GALNT12: variants seen among roughly 807,000 people sequenced by gnomAD.
The protein encoded by GALNT12 is polypeptide N-acetylgalactosaminyltransferase 12, also known as UDP-GalNAc:polypeptide N-acetylgalactosaminyltransferase 12.
GALNT12 carries 45 observed loss-of-function variants against 55.5 expected under a neutral mutation model. The ratio of observed to expected loss-of-function variants is 0.81; its 90% CI spans 0.64 to 1.04. The LOEUF (loss-of-function observed/expected upper bound fraction) is 1.04, where lower values mean the gene tolerates loss of function less well. GALNT12 is among the 50% of genes least tolerant of loss of function. The probability of loss-of-function intolerance (pLI) is 0.00; values close to 1 mark genes in which losing one functional copy is unlikely to be tolerated. For synonymous variants in GALNT12, 304 were observed against 312.2 expected (o/e 0.97, Z 0.28); for missense variants, 709 against 754.8 (o/e 0.94, Z 0.71).
At chr9:98,826,530 A>G (rs1347176653) in intron 2 of GALNT12, among the ~76,000 whole-genome samples, 2 of 152,020 alleles carry the variant, frequency 1.3e-5, no homozygotes, top group African/African-American at 2.4e-5. Context: ...TGGGGAGCAA[A>G]TGGTGGTTCT....
rs57899489 is a variant in GALNT12, at chr9:98,829,153, T to TTATCTATCTATC, written c.731+2254_731+2265dup. Among the ~76,000 whole-genome samples the TTATCTATCTATC allele has an allele frequency of 6.5e-3, 925 of 141,978 alleles. 4 individuals carry two copies. The highest frequency in any genetic ancestry group is 7.3e-3 in the Middle Eastern group (2 of 274). 93.1% of individuals were successfully genotyped at this position (141,978 alleles called of 152,430 possible). A position where few individuals can be genotyped will look rare whatever the true frequency, so the allele number is the denominator to read the frequency against. On this transcript the variant is annotated intron_variant, in intron 3 of 9. Transcript: ENST00000375011. ...CCAGTCATACTCTTAGTAATTTTTTTTATCTATCTATCTATCTATCTATCT... is the reference window on the plus strand; with the variant it reads ...CCAGTCATACTCTTAGTAATTTTTTTTATCTATCTATCTATCTATCTATCTATCTATCTATCT...
At position 98,823,434 on chromosome 9, in the gene GALNT12, C is replaced by T. The variant is rs374545406; in HGVS notation, c.541+9C>T. 1.7e-5 allele frequency: 27 copies of T among 1,612,764 alleles called. No homozygotes were observed. Among genetic ancestry groups the T allele is most frequent in the Admixed American group, 1.5e-4 (9 of 59,992 alleles). ...TGACTACAGTGATAGAGGTGAGTCC[C>T]GGCCAGGGCTCTGGGAAGAGCCTGT... On this transcript the variant is annotated intron_variant, in intron 2 of 9. Transcript: ENST00000375011.
chr9:98,832,027 G>C, intron 4 of GALNT12, 70 bp downstream of exon 4: 2 of 1,361,964 alleles, frequency 1.5e-6, no homozygotes, highest in Non-Finnish European at 2.1e-6. Flanking sequence ...CCTGTGAGCG[G>C]AGGCCCTCGG....
chr9:98,849,099 G>C lies in GALNT12; in HGVS notation c.*7G>C. On this transcript the variant is annotated 3_prime_UTR_variant, in exon 10 of 10. Transcript: ENST00000375011. ...CAAAGAGCGCATGTTATGAAGCCTC[G>C]TGTATCAAGGAGCCCATCGAAGGAG... is the stretch of plus-strand genomic sequence containing the variant. 1 of 1,614,104 alleles carries C rather than the reference G, an allele frequency of 6.2e-7. No individual in the cohort carries two copies. The highest frequency in any genetic ancestry group is 8.5e-7 in the Non-Finnish European group (1 of 1,179,978).
At chr9:98,814,129 A>T (rs1245821530) in intron 1 of GALNT12, among the ~76,000 whole-genome samples, 1 of 152,180 alleles carries the variant, frequency 6.6e-6, no homozygotes, top group African/African-American at 2.4e-5. Flanking sequence ...GGCCTGAGGC[A>T]TGTAACCTTC....
chr9:98,825,156 T>C (rs1032142071), intron 2 of GALNT12, among the ~76,000 whole-genome samples: 1 of 152,216 alleles, frequency 6.6e-6, no homozygotes, highest in Non-Finnish European at 1.5e-5. Context: ...TAACTTCTAT[T>C]TTTATAATGT....
rs896544810 is a variant in GALNT12 at position 98,849,479 on chromosome 9, A to G, written c.*387A>G. ...TTTACAAGAATTCCCAGGTACGAAG[A>G]TATCTGCATGGGTGGAAATCAGGTT... On this transcript the variant is annotated 3_prime_UTR_variant, in exon 10 of 10. Transcript: ENST00000375011. 5.6e-6 allele frequency: 3 copies of G among 532,202 alleles called. No individual in the cohort carries two copies. The highest frequency in any genetic ancestry group is 9.8e-6 in the Non-Finnish European group (3 of 306,396). The allele number at this position is 532,202 out of a possible 1,614,324, so 33.0% of individuals were successfully genotyped here. A position where few individuals can be genotyped will look rare whatever the true frequency, so the allele number is the denominator to read the frequency against.
intron 1 of GALNT12, among the ~76,000 whole-genome samples, chr9:98,813,924 A>G (rs1211132817): frequency 2.0e-5 from 3 of 152,206 alleles, no homozygotes; most frequent in Non-Finnish European, 4.4e-5. Context: ...CTTTTTAAAA[A>G]TAATTATTTT....
intron 4 of GALNT12, among the ~76,000 whole-genome samples, chr9:98,832,671 C>T (rs1048252295): frequency 1.3e-5 from 2 of 152,126 alleles, no homozygotes; most frequent in African/African-American, 4.8e-5. Flanking sequence ...TCCCATTCTC[C>T]CCTTCCCAGC....
rs779568450 is a variant in GALNT12, at chr9:98,837,074, A to G, written c.1138A>G (p.Ser380Gly). 1.2e-6 allele frequency: 2 copies of G among 1,614,104 alleles called. No individual in the cohort carries two copies. The highest frequency in any genetic ancestry group is 1.7e-6 in the Non-Finnish European group (2 of 1,180,052). Reference sequence around the variant, plus strand: ...CTCCCGCAACAAGGCTCTGGCCAACAGTGTTCGTGCAGCTGAAGTATGGAT... The same window carrying G: ...CTCCCGCAACAAGGCTCTGGCCAACGGTGTTCGTGCAGCTGAAGTATGGAT... ...PYSRNKALANSVRAAEVWMDE... is the reference protein window; with the variant it reads ...PYSRNKALANGVRAAEVWMDE... The change falls in exon 6 of 10, where the codon AGT (serine) becomes GGT (glycine). Residue 380 changes from serine to glycine, a missense_variant. Physicochemically the swap from Ser to Gly is moderately conservative, Grantham distance 56 (BLOSUM62 0). Coordinates refer to ENST00000375011, the MANE Select transcript of GALNT12 (RefSeq NM_024642.5).
At chr9:98,813,905 C>T (rs1588439526) in intron 1 of GALNT12, among the ~76,000 whole-genome samples, 1 of 152,024 alleles carries the variant, frequency 6.6e-6, no homozygotes, top group African/African-American at 2.4e-5. Context: ...AGTAGAAGTC[C>T]TATATTCACT....
intron 8 of GALNT12, among the ~76,000 whole-genome samples, chr9:98,845,570 G>A (rs1457195239): frequency 2.0e-5 from 3 of 152,142 alleles, no homozygotes; most frequent in East Asian, 3.9e-4. Context: ...CATATTGGGG[G>A]TTTGGGAGGA....
chr9:98,827,155 G>C (rs377028025), intron 3 of GALNT12, among the ~76,000 whole-genome samples: 20 of 152,182 alleles, frequency 1.3e-4, no homozygotes, highest in Non-Finnish European at 2.5e-4. Context: ...AGCTGGAGAA[G>C]GCCCTGTGTC....
At chr9:98,848,567 C>T (rs1836471348) in intron 9 of GALNT12, among the ~76,000 whole-genome samples, 4 of 152,216 alleles carry the variant, frequency 2.6e-5, no homozygotes, top group African/African-American at 9.6e-5. Flanking sequence ...AGTTTCCACA[C>T]TCTGTTTAAA....
intron 7 of GALNT12, among the ~76,000 whole-genome samples, chr9:98,842,249 T>C (rs10819378): frequency 0.26 from 39,305 of 152,040 alleles, 5,339 homozygotes; most frequent in East Asian, 0.34. Flanking sequence ...AGTGGCACCA[T>C]TGTAGCTCAC....
At chr9:98,823,756 A>T (rs1426961649) in intron 2 of GALNT12, among the ~76,000 whole-genome samples, 1 of 152,176 alleles carries the variant, frequency 6.6e-6, no homozygotes, top group Admixed American at 6.5e-5. Flanking sequence ...TGCAAGCTTG[A>T]TGGGGAGCTT....
chr9:98,841,051 C>T (rs895749144), intron 7 of GALNT12, among the ~76,000 whole-genome samples: 3 of 152,210 alleles, frequency 2.0e-5, no homozygotes, highest in Non-Finnish European at 4.4e-5. Context: ...CTGGCTAATT[C>T]GAATTGGGAT....
At chr9:98,836,673 A>G (rs1207937925) in intron 5 of GALNT12, among the ~76,000 whole-genome samples, 1 of 151,952 alleles carries the variant, frequency 6.6e-6, no homozygotes, top group Non-Finnish European at 1.5e-5. Context: ...GTAATGAGTA[A>G]GTGGGTTGCC....
intron 1 of GALNT12, among the ~76,000 whole-genome samples, chr9:98,811,696 T>TC (rs1172470838): frequency 6.6e-6 from 1 of 151,298 alleles, no homozygotes; most frequent in Non-Finnish European, 1.5e-5. Context: ...TTTTTTTTTT[T>TC]TTTTGAGATG....
Sources: gnomAD v4.1 joint callset for allele counts (sites outside exome capture counted in the v4.1 genomes callset) on GRCh38, gnomAD v4.1.1 for gene constraint, MANE v1.5 for transcripts, NCBI Gene and HGNC (gene_info 2026-07-23, HGNC 2026-07-21) for gene names.